Variants in FAM13A observed in about 807,000 individuals in gnomAD.
The protein encoded by FAM13A is family with sequence similarity 13 member A.
A neutral mutation model predicts 129.6 loss-of-function variants in FAM13A; 76 were observed. The ratio of observed to expected loss-of-function variants is 0.59; its 90% confidence interval spans 0.49 to 0.71. The LOEUF (loss-of-function observed/expected upper bound fraction) is 0.71. Ranked by LOEUF, FAM13A falls within the 30% of genes least tolerant of loss-of-function variation. The pLI is 0.00. For synonymous variants in FAM13A, 443 were observed against 449.9 expected (o/e 0.98, Z 0.20); for missense variants, 1,108 against 1,249.3 (o/e 0.89, Z 1.70).
chr4:88,922,158 C>G (rs1246637), intron 5 of FAM13A, among the ~76,000 whole-genome samples: 1 of 151,924 alleles, frequency 6.6e-6, no homozygotes, highest in South Asian at 2.1e-4. Context: ...AGAAAGTTAA[C>G]AAGGATACCC....
chr4:88,951,338 G>A (rs562483930), intron 4 of FAM13A, among the ~76,000 whole-genome samples: 1 of 152,236 alleles, frequency 6.6e-6, no homozygotes, highest in Non-Finnish European at 1.5e-5. Flanking sequence ...ATGAACTCTG[G>A]CAAAATTAAA....
At chr4:89,023,805 GT>G (rs1767594937) in intron 2 of FAM13A, among the ~76,000 whole-genome samples, 1 of 152,088 alleles carries the variant, frequency 6.6e-6, no homozygotes, top group South Asian at 2.1e-4. Context: ...AATCCATACA[GT>G]TTTTTAAAGC....
At chr4:88,768,631 A>G (rs537265345) in intron 11 of FAM13A, among the ~76,000 whole-genome samples, 3 of 152,254 alleles carry the variant, frequency 2.0e-5, no homozygotes, top group African/African-American at 7.2e-5. Context: ...TTCCAATATT[A>G]TCTAGAGTAA....
chr4:89,002,259 G>A (rs543810727), intron 3 of FAM13A, among the ~76,000 whole-genome samples: 2 of 151,870 alleles, frequency 1.3e-5, no homozygotes, highest in South Asian at 4.2e-4. Flanking sequence ...GCAAGTGACT[G>A]GAAACAGATT....
rs1235120568 is a variant in FAM13A, at chr4:88,781,294, A to T, written c.1329T>A (p.Ile443=). 3 of 1,612,910 alleles carry T rather than the reference A, an allele frequency of 1.9e-6. No homozygotes were observed. In the African/African-American group the frequency reaches 4.0e-5, roughly 22 times the overall value. Residue 443 remains isoleucine (I), a synonymous_variant, in exon 11 of 24, where the codon ATT becomes ATA. Transcript: ENST00000264344. ...PSGFNHLDDC[I]LNTQEVEKVH... is the part of the protein sequence containing the mutation. ...CCTTTTCGACTTCCTGAGTATTCAA[A>T]ATACAATCATCAAGGTGGTTGAACC...
chr4:88,858,469 A>G (rs1738920820), intron 6 of FAM13A, among the ~76,000 whole-genome samples: 1 of 152,212 alleles, frequency 6.6e-6, no homozygotes, highest in South Asian at 2.1e-4. Flanking sequence ...TGCAATATTC[A>G]TGGTAGGCAA....
intron 4 of FAM13A, among the ~76,000 whole-genome samples, chr4:88,964,634 T>C (rs1388108841): frequency 7.9e-6 from 1 of 126,776 alleles, no homozygotes; most frequent in African/African-American, 2.9e-5. Context: ...CACTCTGCTC[T>C]TTTTTTTTTT....
At chr4:89,011,926 C>T (rs1032050991) in intron 3 of FAM13A, among the ~76,000 whole-genome samples, 3 of 152,102 alleles carry the variant, frequency 2.0e-5, no homozygotes, top group South Asian at 4.1e-4. Context: ...TTAAATCACA[C>T]ACTCCTTAAA....
At chr4:88,969,304 C>A (rs1759761669) in intron 4 of FAM13A, among the ~76,000 whole-genome samples, 1 of 152,154 alleles carries the variant, frequency 6.6e-6, no homozygotes, top group Non-Finnish European at 1.5e-5. Flanking sequence ...CCAGGCAGCA[C>A]AGATTTTCAG....
chr4:88,937,374 C>T lies in FAM13A; in HGVS notation c.759+714G>A, dbSNP rs749305319. 4.6e-5 allele frequency: 7 copies of T among 152,326 alleles called. No homozygotes were observed. The East Asian group carries it at 5.8e-4, about 13-fold the overall frequency. The allele number at this position is 152,326 out of a possible 1,614,324, so 9.4% of individuals were successfully genotyped here. On this transcript the variant is annotated intron_variant, in intron 5 of 23. Transcript: ENST00000264344. Reference sequence around the variant, plus strand: ...ACCTCCTGAGGAAATCTCATACCAGCTCCATCATGATTCACCTCAATATAA... The same window carrying T: ...ACCTCCTGAGGAAATCTCATACCAGTTCCATCATGATTCACCTCAATATAA...
At chr4:88,911,739 C>A (rs1259612150) in intron 5 of FAM13A, among the ~76,000 whole-genome samples, 3 of 152,212 alleles carry the variant, frequency 2.0e-5, no homozygotes, top group Non-Finnish European at 2.9e-5. Context: ...CCACTGTGAC[C>A]ATTCCCATCA....
At chr4:88,736,070 A>T (rs551867781) in intron 21 of FAM13A, among the ~76,000 whole-genome samples, 1 of 152,274 alleles carries the variant, frequency 6.6e-6, no homozygotes, top group South Asian at 2.1e-4. Context: ...AATTTCTCCA[A>T]TTACTGTGGT....
At position 88,727,670 on chromosome 4, in the gene FAM13A, C is replaced by G. The variant is rs1441240602; in HGVS notation, c.*863G>C. ...GGCTAGTGCCACAACAAAACAGCCC[C>G]AAACAGATTGCCATGAGCATGCTAG... On this transcript the variant is annotated 3_prime_UTR_variant, in exon 24 of 24. Coordinates refer to ENST00000264344, the MANE Select transcript of FAM13A (RefSeq NM_014883.4). The G allele has an allele frequency of 6.6e-6, 1 of 152,292 alleles. No homozygotes were observed. The highest frequency in any genetic ancestry group is 1.5e-5 in the Non-Finnish European group (1 of 68,090). The allele number at this position is 152,292 out of a possible 1,614,324, so 9.4% of individuals were successfully genotyped here. A position where few individuals can be genotyped will look rare whatever the true frequency, so the allele number is the denominator to read the frequency against.
intron 7 of FAM13A, among the ~76,000 whole-genome samples, chr4:88,844,560 C>T (rs1471360124): frequency 1.3e-5 from 2 of 152,020 alleles, no homozygotes; most frequent in South Asian, 2.1e-4. Context: ...GACACGTGAT[C>T]GGATCATGAA....
At chr4:88,783,665 T>C (rs778497828) in intron 10 of FAM13A, among the ~76,000 whole-genome samples, 2 of 152,158 alleles carry the variant, frequency 1.3e-5, no homozygotes, top group African/African-American at 4.8e-5. Context: ...AATTCACATT[T>C]TGAAGTCCTA....
intron 5 of FAM13A, among the ~76,000 whole-genome samples, chr4:88,919,764 C>T (rs1428344568): frequency 8.5e-5 from 13 of 152,206 alleles, no homozygotes; most frequent in South Asian, 2.1e-4. Context: ...ACTCAGGAAG[C>T]GCAAAGGGTC....
At position 88,930,816 on chromosome 4, in the gene FAM13A, T is replaced by C. The variant is rs534063648; in HGVS notation, c.759+7272A>G. Among the ~76,000 whole-genome samples, 8 of 152,272 alleles carry C rather than the reference T, an allele frequency of 5.3e-5. No homozygotes were observed. The South Asian group carries it at 1.7e-3, about 32-fold the overall frequency. On this transcript the variant is annotated intron_variant, in intron 5 of 23. Transcript: ENST00000264344. Reference sequence around the variant, plus strand: ...CTGGCCCCCAAGTGGTCTGTGTTAATGTTGCTGAAAGCAACAGTGAGTGGG... The same window carrying C: ...CTGGCCCCCAAGTGGTCTGTGTTAACGTTGCTGAAAGCAACAGTGAGTGGG...
intron 7 of FAM13A, among the ~76,000 whole-genome samples, chr4:88,844,212 A>C (rs1324218444): frequency 6.6e-6 from 1 of 152,182 alleles, no homozygotes; most frequent in Non-Finnish European, 1.5e-5. Context: ...AGAAACTCAT[A>C]ATCAGGTTGG....
chr4:88,983,677 C>T (rs1761910375), intron 4 of FAM13A, among the ~76,000 whole-genome samples: 1 of 152,114 alleles, frequency 6.6e-6, no homozygotes. Flanking sequence ...ATATTTCATG[C>T]TCACATATTG....
Sources: allele counts gnomAD v4.1 joint callset (sites outside exome capture counted in the v4.1 genomes callset), GRCh38; gene constraint gnomAD v4.1.1; transcripts MANE v1.5; gene names NCBI Gene and HGNC (gene_info 2026-07-23, HGNC 2026-07-21).